The following ZNF606 variants were observed in gnomAD, a reference collection of about 807,000 sequenced individuals.
ZNF606 encodes the protein zinc finger protein 606.
In ZNF606, 37 loss-of-function variants were observed where a neutral mutation model predicts 74.9. The ratio of observed to expected loss-of-function variants is 0.49; its 90% CI spans 0.38 to 0.65. ZNF606 has a LOEUF of 0.65. ZNF606 is among the 30% of genes least tolerant of loss of function. The pLI is 0.00. For synonymous variants in ZNF606, 328 were observed against 312.4 expected, an observed-to-expected ratio of 1.05 and a Z score of -0.53; for missense variants, 852 against 952.9, an observed-to-expected ratio of 0.89 and a Z score of 1.39.
intron 6 of ZNF606, among the ~76,000 whole-genome samples, chr19:57,981,875 G>A (rs2073090330): frequency 6.6e-6 from 1 of 152,212 alleles, no homozygotes; most frequent in South Asian, 2.1e-4. Flanking sequence ...ATCTGTATGT[G>A]AACAATGGCC....
At chr19:57,998,378 A>T (rs1487485903) in intron 4 of ZNF606, 1 of 152,196 alleles carries the variant, frequency 6.6e-6, no homozygotes, top group Non-Finnish European at 1.5e-5. Flanking sequence ...ATTACATTAC[A>T]TTAAAAGAAA....
intron 6 of ZNF606, among the ~76,000 whole-genome samples, chr19:57,982,734 G>A (rs983191337): frequency 2.6e-5 from 4 of 152,032 alleles, no homozygotes; most frequent in African/African-American, 4.8e-5. Context: ...ACTGGGCTCA[G>A]GCAATCCTCC....
At chr19:57,997,356 T>C (rs747591818) in intron 4 of ZNF606, 1 of 152,372 alleles carries the variant, frequency 6.6e-6, no homozygotes, top group African/African-American at 2.4e-5. Context: ...CATACTTCCA[T>C]GAATGGACTA....
chr19:57,999,502 T>C, intron 4 of ZNF606: 2 of 484,266 alleles, frequency 4.1e-6, no homozygotes, highest in Non-Finnish European at 7.3e-6. Context: ...CTAAATCGGG[T>C]GCTAAAGACA....
At chr19:57,987,082 C>G (rs1368324918) in intron 6 of ZNF606, among the ~76,000 whole-genome samples, 1 of 151,884 alleles carries the variant, frequency 6.6e-6, no homozygotes, top group African/African-American at 2.4e-5. Flanking sequence ...AGAGCAAGAC[C>G]TTGTCTCAAA....
At chr19:57,989,634 A>G (rs1454783803) in intron 4 of ZNF606, among the ~76,000 whole-genome samples, 3 of 151,530 alleles carry the variant, frequency 2.0e-5, no homozygotes, top group Non-Finnish European at 4.4e-5. Context: ...TTTAGTAGAG[A>G]CAGGGTTTTG....
chr19:57,978,180 G>C lies in ZNF606; in HGVS notation c.*121C>G, dbSNP rs1428413514. On this transcript the variant is annotated 3_prime_UTR_variant, in exon 7 of 7. Transcript: ENST00000551380. This position sits in a 1 kb window ranked among gnomAD's most constrained non-coding sequence, Gnocchi z 4.4. ...GTTTCTTCTAAGATGATATTTTCTA[G>C]TAAATAATGTGGGAGAAGTCTTACT... The C allele has an allele frequency of 2.0e-6, 2 of 1,003,168 alleles. No homozygotes were observed. The highest frequency in any genetic ancestry group is 2.8e-6 in the Non-Finnish European group (2 of 712,992). The allele number at this position is 1,003,168 out of a possible 1,614,324, so 62.1% of individuals were successfully genotyped here.
At chr19:57,980,377 G>T in intron 6 of ZNF606, 98 bp from the exon 7 acceptor site, 1 of 1,279,420 alleles carries the variant, frequency 7.8e-7, no homozygotes, top group Non-Finnish European at 1.1e-6. Context: ...AAAAACACTA[G>T]TATAAATTTG....
intron 4 of ZNF606, among the ~76,000 whole-genome samples, chr19:57,994,798 T>C (rs1027953850): frequency 3.3e-5 from 5 of 152,052 alleles, no homozygotes; most frequent in Non-Finnish European, 7.4e-5. Context: ...TCGACAAACA[T>C]GCAGGAAAAG....
In ZNF606 at chr19:58,001,283, A is replaced by G; in HGVS notation, c.31+6T>C. 1 of 1,614,032 alleles carries G rather than the reference A, an allele frequency of 6.2e-7. No individual in the cohort carries two copies. Among genetic ancestry groups the G allele is most frequent in the Non-Finnish European group, 8.5e-7 (1 of 1,179,998 alleles). ...GAGGCCCAGGAGAAACACAACTTGG[A>G]CTCACCCCAGGAGGCCCACGGGTTG... is the stretch of plus-strand genomic sequence containing the variant. On this transcript the variant is annotated splice_donor_region_variant and intron_variant, in intron 2 of 6. Coordinates refer to ENST00000551380, the MANE Select transcript of ZNF606 (RefSeq NM_001348022.3).
intron 6 of ZNF606, among the ~76,000 whole-genome samples, chr19:57,986,062 G>A (rs1395499799): frequency 6.7e-6 from 1 of 148,220 alleles, no homozygotes; most frequent in East Asian, 1.9e-4. Context: ...ACTCAGGCCA[G>A]AAAGAAAGAC....
rs571484868 is a variant in ZNF606, at chr19:58,002,646, G to A, written c.-302C>T. 8.2e-5 allele frequency: 37 copies of A among 453,438 alleles called. No individual in the cohort carries two copies. In the East Asian group the frequency reaches 1.8e-3, roughly 22 times the overall value. 28.1% of individuals were successfully genotyped at this position (453,438 alleles called of 1,614,324 possible). A position where few individuals can be genotyped will look rare whatever the true frequency, so the allele number is the denominator to read the frequency against. The stretch of plus-strand genomic sequence containing the variant: ...GCAGGCTGCTGGCTGGAGAACCGAC[G>A]GCAACGACGGCGCAAAGCCGGCGCG... On this transcript the variant is annotated 5_prime_UTR_variant, in exon 1 of 7. Coordinates refer to ENST00000551380, the MANE Select transcript of ZNF606 (RefSeq NM_001348022.3).
chr19:57,988,598 C>A lies in ZNF606; in HGVS notation c.301G>T (p.Val101Leu). 1.2e-6 allele frequency: 2 copies of A among 1,613,018 alleles called. No homozygotes were observed. The highest frequency in any genetic ancestry group is 2.7e-5 in the African/African-American group (2 of 75,038). ...MLETYGHLLS[V>L]GNQIAKPEVI... ...ACTTGGGCAGCACCTGCCTTACCCA[C>A]AGAGAGCAGGTGACCATAGGTCTCC... Residue 101 changes from valine to leucine, a missense_variant, in exon 5 of 7, where the codon GTG becomes TTG. Transcript: ENST00000551380.
At position 57,978,774 on chromosome 19, in the gene ZNF606, T is replaced by C; in HGVS notation, c.1906A>G (p.Met636Val). The change falls in exon 7 of 7, where the codon ATG (methionine) becomes GTG (valine). Residue 636 changes from methionine to valine, a missense_variant. Transcript: ENST00000551380. This position sits in a 1 kb window ranked among gnomAD's most constrained non-coding sequence, Gnocchi z 4.4. ...CTTTGATGTCTAACAAGGTGAGCCA[T>C]CTGGCTACAGGATTTTCCACATTTA... ...CNKCGKSCSQMAHLVRHQRTH... is the reference protein window; with the variant it reads ...CNKCGKSCSQVAHLVRHQRTH... 6.2e-7 allele frequency: 1 copy of C among 1,614,196 alleles called. No individual in the cohort carries two copies. The highest frequency in any genetic ancestry group is 8.5e-7 in the Non-Finnish European group (1 of 1,180,032).
At chr19:57,980,392 C>T in intron 6 of ZNF606, 113 bp from the exon 7 acceptor site, 2 of 1,082,762 alleles carry the variant, frequency 1.8e-6, no homozygotes, top group Non-Finnish European at 2.6e-6. Flanking sequence ...AATTTGTTTT[C>T]AAGTCCAGGC....
chr19:58,000,474 C>T (rs1600229774), intron 3 of ZNF606: 1 of 647,474 alleles, frequency 1.5e-6, no homozygotes. Context: ...ATCCACTCGC[C>T]TCGGCCTCCC....
chr19:58,003,071 G>A (rs2073470210), upstream of ZNF606: 1 of 408,834 alleles, frequency 2.4e-6, no homozygotes, highest in Non-Finnish European at 5.0e-6. Flanking sequence ...CGCGGGCCTC[G>A]GTTTGCCCAT....
Position 57,978,345 on chromosome 19 carries a change from G to C in ZNF606, c.2335C>G (p.Leu779Val). 6.3e-7 allele frequency: 1 copy of C among 1,596,994 alleles called. No individual in the cohort carries two copies. Among genetic ancestry groups the C allele is most frequent in the East Asian group, 2.3e-5 (1 of 44,430 alleles). Residue 779 changes from leucine to valine, a missense_variant, in exon 7 of 7, where the codon CTA becomes GTA. By Grantham distance (32) the Leu-to-Val change is conservative. Coordinates refer to ENST00000551380, the MANE Select transcript of ZNF606 (RefSeq NM_001348022.3). The surrounding 1 kb of genome is among the most constrained non-coding windows in gnomAD (Gnocchi z 4.4). The part of the protein sequence containing the change: ...CGKAFSGHSA[L>V]LQHQRNHSEE... ...CTGTGATTTCTCTGGTGTTGAAGTA[G>C]GGCTGAGTGACCACTAAAGGCTTTT...
chr19:57,990,495 G>A (rs546756415), intron 4 of ZNF606, among the ~76,000 whole-genome samples: 14 of 144,832 alleles, frequency 9.7e-5, no homozygotes, highest in East Asian at 4.2e-4. Context: ...AGCTGAGATC[G>A]TAGTACTGCA....
Sources: allele counts gnomAD v4.1 joint callset (sites outside exome capture counted in the v4.1 genomes callset), GRCh38; gene constraint gnomAD v4.1.1; non-coding constraint Gnocchi (gnomAD v3.1); transcripts MANE v1.5; gene names NCBI Gene and HGNC (gene_info 2026-07-23, HGNC 2026-07-21).